ANKS6: variants seen among roughly 807,000 people sequenced by gnomAD.
ANKS6 encodes ankyrin repeat and SAM domain-containing protein 6.
Under a neutral mutation model 77.9 loss-of-function variants are expected in ANKS6, and 47 were observed. The ratio of observed to expected loss-of-function variants is 0.60; its 90% CI spans 0.48 to 0.77. The LOEUF (loss-of-function observed/expected upper bound fraction) is 0.77, where lower values mean the gene tolerates loss of function less well. ANKS6 is among the 30% of genes least tolerant of loss of function. The pLI, the probability that ANKS6 is intolerant of heterozygous loss-of-function variation, is 0.00. For missense variants in ANKS6, 1,150 were observed against 1,159.1 expected (o/e 0.99, Z 0.11); for synonymous variants, 488 against 501.7 (o/e 0.97, Z 0.37).
Position 98,790,147 on chromosome 9 carries a change from A to C in ANKS6, c.819T>G (p.Leu273=). The C allele has an allele frequency of 6.3e-7, 1 of 1,585,748 alleles. No homozygotes were observed. The highest frequency in any genetic ancestry group is 1.1e-5 in the South Asian group (1 of 89,054). Residue 273 remains leucine, a synonymous_variant, in exon 2 of 15, where the codon CTT becomes CTG. Coordinates refer to ENST00000353234, the MANE Select transcript of ANKS6 (RefSeq NM_173551.5). The stretch of plus-strand genomic sequence containing the variant: ...TGGTCAGCGGGTCCAGGTAGTCTAC[A>C]AGGTCCCTGTGCTTGCAGTCCAGTG... ...EVALDCKHRD[L]VDYLDPLTTV... is the part of the protein sequence containing the mutation.
chr9:98,745,603 T>C lies in ANKS6; in HGVS notation c.2467A>G (p.Arg823Gly). ...GAAATCGCTGCCAGAATCTGCTGCC[T>C]GGACCCATCTGTCTTAATTCCCAGC... is the stretch of plus-strand genomic sequence containing the variant. ...KELGIKTDGSRQQILAAISEL... is the reference protein window; with the variant it reads ...KELGIKTDGSGQQILAAISEL... The change falls in exon 14 of 15, where the codon AGG becomes GGG. Residue 823 changes from arginine to glycine, a missense_variant. Transcript: ENST00000353234. The C allele has an allele frequency of 6.2e-7, 1 of 1,614,206 alleles. No individual in the cohort carries two copies. The highest frequency in any genetic ancestry group is 8.5e-7 in the Non-Finnish European group (1 of 1,180,014).
In ANKS6 at chr9:98,735,404, C is replaced by A. The variant is rs1384612811; in HGVS notation, c.*1115G>T. On this transcript the variant is annotated 3_prime_UTR_variant, in exon 15 of 15. Transcript: ENST00000353234. ...GCTGAATGAGTCATTCACTGGAAAA[C>A]ACTTCAGAAAGCCAGTGGGTTTTAA... 1 of 1,138,872 alleles carries A rather than the reference C, an allele frequency of 8.8e-7. No individual in the cohort carries two copies. 70.5% of individuals were successfully genotyped at this position (1,138,872 alleles called of 1,614,324 possible).
At chr9:98,794,474 T>G (rs1165810071) in intron 1 of ANKS6, among the ~76,000 whole-genome samples, 1 of 152,166 alleles carries the variant, frequency 6.6e-6, no homozygotes, top group African/African-American at 2.4e-5. Context: ...TATATACTAC[T>G]CCTCAACTTG....
chr9:98,775,580 T>A (rs1833879106), intron 8 of ANKS6, among the ~76,000 whole-genome samples: 1 of 152,190 alleles, frequency 6.6e-6, no homozygotes, highest in Non-Finnish European at 1.5e-5. Flanking sequence ...ACATGCAAAG[T>A]GCGATGAATA....
intron 10 of ANKS6, among the ~76,000 whole-genome samples, chr9:98,769,151 GAAAGA>G (rs1564201325): frequency 6.6e-6 from 1 of 150,788 alleles, no homozygotes; most frequent in African/African-American, 2.4e-5. Flanking sequence ...AAGAAAGAAA[GAAAGA>G]AAAGAAAACA....
In ANKS6 at chr9:98,778,342, G is replaced by A. The variant is rs1436218898; in HGVS notation, c.1451C>T (p.Pro484Leu). The A allele has an allele frequency of 1.2e-6, 2 of 1,614,208 alleles. No homozygotes were observed. Among genetic ancestry groups the A allele is most frequent in the Non-Finnish European group, 1.7e-6 (2 of 1,180,036 alleles). ...CTCAGGCTCGTCAGAGAAAGGCAAA[G>A]GCTGGTTGCTGGACAGCCCACGGGG... ...TLPRGLSSNQ[P>L]LPFSDEPEPA... The change falls in exon 7 of 15, where the codon CCT (proline) becomes CTT (leucine). Residue 484 changes from proline (P) to leucine (L), a missense_variant. Coordinates refer to ENST00000353234, the MANE Select transcript of ANKS6 (RefSeq NM_173551.5).
At position 98,733,283 on chromosome 9, in the gene ANKS6, G is replaced by C. The variant is rs1831302472; in HGVS notation, c.*3236C>G. The C allele has an allele frequency of 1.0e-6, 1 of 985,506 alleles. No homozygotes were observed. The allele number at this position is 985,506 out of a possible 1,614,324, so 61.0% of individuals were successfully genotyped here. A position where few individuals can be genotyped will look rare whatever the true frequency, so the allele number is the denominator to read the frequency against. Reference sequence around the variant, plus strand: ...TTGTGGCGCTGAAGAAGAGAGGCAGGAGCCCTCCGTGGCCAGCAGGGACTT... The same window carrying C: ...TTGTGGCGCTGAAGAAGAGAGGCAGCAGCCCTCCGTGGCCAGCAGGGACTT... On this transcript the variant is annotated 3_prime_UTR_variant, in exon 15 of 15. Coordinates refer to ENST00000353234, the MANE Select transcript of ANKS6 (RefSeq NM_173551.5).
intron 2 of ANKS6, among the ~76,000 whole-genome samples, chr9:98,785,413 C>T (rs1258014222): frequency 1.3e-5 from 2 of 152,236 alleles, no homozygotes; most frequent in Admixed American, 6.5e-5. Flanking sequence ...ATGCTCCCTC[C>T]TCCAAACCTG....
chr9:98,751,197 T>A, intron 12 of ANKS6, 101 bp from the exon 13 acceptor site: 1 of 972,236 alleles, frequency 1.0e-6, no homozygotes, highest in Non-Finnish European at 1.5e-6. Flanking sequence ...TCAAATGAAA[T>A]TCTATAAGAA....
intron 13 of ANKS6, among the ~76,000 whole-genome samples, chr9:98,749,129 A>G (rs1832295785): frequency 6.6e-6 from 1 of 152,340 alleles, no homozygotes; most frequent in African/African-American, 2.4e-5. Flanking sequence ...CCTACAGTGT[A>G]ACCAGCTCAT....
chr9:98,787,211 C>G (rs1048010771), intron 2 of ANKS6, among the ~76,000 whole-genome samples: 2 of 152,116 alleles, frequency 1.3e-5, no homozygotes, highest in Non-Finnish European at 2.9e-5. Context: ...CAGCCTGCAC[C>G]CTACCTGGGG....
chr9:98,744,951 A>G (rs960665337), intron 14 of ANKS6, among the ~76,000 whole-genome samples: 2 of 152,146 alleles, frequency 1.3e-5, no homozygotes, highest in South Asian at 2.1e-4. Flanking sequence ...CGAAGCTTGC[A>G]AAGTGAGTGG....
intron 13 of ANKS6, among the ~76,000 whole-genome samples, chr9:98,750,540 G>T (rs1306936863): frequency 6.6e-6 from 1 of 152,226 alleles, no homozygotes; most frequent in Non-Finnish European, 1.5e-5. Flanking sequence ...ATACCTAGGA[G>T]TAGGACTGCT....
chr9:98,757,143 A>G (rs781389588), intron 11 of ANKS6, among the ~76,000 whole-genome samples: 5 of 152,212 alleles, frequency 3.3e-5, no homozygotes, highest in Non-Finnish European at 5.9e-5. Context: ...GAGTTCCCAC[A>G]TACCCCTCAC....
chr9:98,733,559 C>T lies in ANKS6; in HGVS notation c.*2960G>A. 2.0e-6 allele frequency: 2 copies of T among 985,524 alleles called. No homozygotes were observed. Among genetic ancestry groups the T allele is most frequent in the Non-Finnish European group, 2.4e-6 (2 of 829,970 alleles). The allele number at this position is 985,524 out of a possible 1,614,324, so 61.0% of individuals were successfully genotyped here. A position where few individuals can be genotyped will look rare whatever the true frequency, so the allele number is the denominator to read the frequency against. The stretch of plus-strand genomic sequence containing the variant: ...CAAGGGCCCTGACCCACTTCCAGGG[C>T]TGCAAGGCCTCTTGGTTGCCGCTGT... On this transcript the variant is annotated 3_prime_UTR_variant, in exon 15 of 15. Coordinates refer to ENST00000353234, the MANE Select transcript of ANKS6 (RefSeq NM_173551.5).
At chr9:98,775,032 C>G (rs368042711) in intron 8 of ANKS6, among the ~76,000 whole-genome samples, 7 of 152,352 alleles carry the variant, frequency 4.6e-5, no homozygotes, top group African/African-American at 1.7e-4. Flanking sequence ...AGTACACCTC[C>G]GGGGTTCCCA....
At chr9:98,755,462 C>T (rs1294918727) in intron 12 of ANKS6, among the ~76,000 whole-genome samples, 7 of 152,180 alleles carry the variant, frequency 4.6e-5, no homozygotes, top group Non-Finnish European at 8.8e-5. Flanking sequence ...TGGGGCCTGA[C>T]TGCAAAGCCT....
In ANKS6 at chr9:98,736,006, C is replaced by T; in HGVS notation, c.*513G>A. The T allele has an allele frequency of 1.6e-6, 2 of 1,216,262 alleles. No homozygotes were observed. The highest frequency in any genetic ancestry group is 2.0e-6 in the Non-Finnish European group (2 of 978,470). The allele number at this position is 1,216,262 out of a possible 1,614,324, so 75.3% of individuals were successfully genotyped here. On this transcript the variant is annotated 3_prime_UTR_variant, in exon 15 of 15. Coordinates refer to ENST00000353234, the MANE Select transcript of ANKS6 (RefSeq NM_173551.5). The stretch of plus-strand genomic sequence containing the variant: ...ACCTCTCACCATAATACATACCCCC[C>T]ATCTAAGTCAAAAGTTGTTGCTGGG...
At position 98,796,182 on chromosome 9, in the gene ANKS6, C is replaced by T; in HGVS notation, c.310G>A (p.Val104Ile). Residue 104 changes from valine to isoleucine, a missense_variant, in exon 1 of 15, where the codon GTC becomes ATC. By Grantham distance (29) the Val-to-Ile change is conservative. Transcript: ENST00000353234. The part of the protein sequence containing the change: ...VRFLLRRGAS[V>I]NSRNHYGWSA... ...CAGCCGTAGTGGTTGCGGCTGTTGACCGAGGCACCGCGGCGCAGCAGGAAG... is the reference window on the plus strand; with the variant it reads ...CAGCCGTAGTGGTTGCGGCTGTTGATCGAGGCACCGCGGCGCAGCAGGAAG... 1 of 1,417,418 alleles carries T rather than the reference C, an allele frequency of 7.1e-7. No individual in the cohort carries two copies. The highest frequency in any genetic ancestry group is 9.2e-7 in the Non-Finnish European group (1 of 1,086,284). 87.8% of individuals were successfully genotyped at this position (1,417,418 alleles called of 1,614,324 possible). A position where few individuals can be genotyped will look rare whatever the true frequency, so the allele number is the denominator to read the frequency against.
Sources: gnomAD v4.1 joint callset for allele counts (sites outside exome capture counted in the v4.1 genomes callset) on GRCh38, gnomAD v4.1.1 for gene constraint, MANE v1.5 for transcripts, NCBI Gene and HGNC (gene_info 2026-07-23, HGNC 2026-07-21) for gene names.